Variants in ZNF804B observed in about 807,000 individuals in gnomAD.
ZNF804B encodes the protein zinc finger 804B.
A neutral mutation model predicts 101.4 loss-of-function variants in ZNF804B; 80 were observed. The ratio of observed to expected loss-of-function variants is 0.79; its 90% CI spans 0.66 to 0.95. The LOEUF (loss-of-function observed/expected upper bound fraction) is 0.95. ZNF804B is among the 40% of genes least tolerant of loss of function. The pLI, the probability that ZNF804B is intolerant of heterozygous loss-of-function variation, is 0.00. For missense variants in ZNF804B, 1,673 were observed against 1,561.9 expected (o/e 1.07, Z -1.20); for synonymous variants, 622 against 558.8 (o/e 1.11, Z -1.59).
intron 1 of ZNF804B, among the ~76,000 whole-genome samples, chr7:88,821,611 A>G (rs1310225592): frequency 6.6e-6 from 1 of 152,178 alleles, no homozygotes; most frequent in Non-Finnish European, 1.5e-5. Context: ...CCTTATAACC[A>G]TCTCTCACAG....
At position 89,335,994 on chromosome 7, in the gene ZNF804B, C is replaced by T. The variant is rs778352372; in HGVS notation, c.3012C>T (p.Asp1004=). The T allele has an allele frequency of 2.8e-5, 45 of 1,613,814 alleles. No individual in the cohort carries two copies. Among genetic ancestry groups the T allele is most frequent in the Non-Finnish European group, 3.7e-5 (44 of 1,179,974 alleles). Residue 1004 remains aspartate (D), a synonymous_variant, in exon 4 of 4, where the codon GAC becomes GAT. Transcript: ENST00000333190. ...DSAIPRTTEK[D]KSKSSHTNNF... Reference sequence around the variant, plus strand: ...CAATTCCAAGGACTACGGAGAAAGACAAAAGCAAAAGTTCACACACAAATA... The same window carrying T: ...CAATTCCAAGGACTACGGAGAAAGATAAAAGCAAAAGTTCACACACAAATA...
intron 1 of ZNF804B, among the ~76,000 whole-genome samples, chr7:88,952,913 C>A (rs1005756379): frequency 6.6e-6 from 1 of 151,780 alleles, no homozygotes; most frequent in Non-Finnish European, 1.5e-5. Context: ...ATACTGATCA[C>A]ATGGTACCTG....
chr7:89,126,052 C>T (rs1790470817), intron 1 of ZNF804B, among the ~76,000 whole-genome samples: 1 of 151,722 alleles, frequency 6.6e-6, no homozygotes, highest in Non-Finnish European at 1.5e-5. Flanking sequence ...TTGTCCATGG[C>T]AATTCAACTG....
intron 1 of ZNF804B, among the ~76,000 whole-genome samples, chr7:88,835,840 A>G (rs1319204317): frequency 6.6e-6 from 1 of 151,970 alleles, no homozygotes; most frequent in Non-Finnish European, 1.5e-5. Context: ...AGAAAAAGAA[A>G]ATATAAATAT....
rs766687699 is a variant in ZNF804B, at chr7:89,334,623, A to T, written c.1641A>T (p.Lys547Asn). ...TGATAGCTAATCCGGATTGGGAAAAATTCCAGAGGAAATATAATTTGGACT... is the reference window on the plus strand; with the variant it reads ...TGATAGCTAATCCGGATTGGGAAAATTTCCAGAGGAAATATAATTTGGACT... ...KTMIANPDWEKFQRKYNLDYS... is the reference protein window; with the variant it reads ...KTMIANPDWENFQRKYNLDYS... Residue 547 changes from lysine to asparagine, a missense_variant, in exon 4 of 4, where the codon AAA becomes AAT. Physicochemically the swap from Lys to Asn is moderately conservative, Grantham distance 94. Coordinates refer to ENST00000333190, the MANE Select transcript of ZNF804B (RefSeq NM_181646.5). 2 of 1,613,802 alleles carry T rather than the reference A, an allele frequency of 1.2e-6. No homozygotes were observed. Among genetic ancestry groups the T allele is most frequent in the Admixed American group, 3.3e-5 (2 of 59,908 alleles).
At chr7:89,156,088 CCTTT>C (rs3059356) in intron 1 of ZNF804B, among the ~76,000 whole-genome samples, 1 of 83,250 alleles carries the variant, frequency 1.2e-5, no homozygotes, top group African/African-American at 4.6e-5. Context: ...TTCTCTCTTT[CCTTT>C]CTTTCTTTCT....
intron 2 of ZNF804B, among the ~76,000 whole-genome samples, chr7:89,220,001 A>ATATG (rs1312165188): frequency 4.4e-5 from 6 of 135,416 alleles, no homozygotes; most frequent in African/African-American, 1.7e-4. Context: ...ATATATGTAT[A>ATATG]TGCACATATA....
At chr7:88,786,286 C>T (rs746280453) in intron 1 of ZNF804B, among the ~76,000 whole-genome samples, 10 of 152,038 alleles carry the variant, frequency 6.6e-5, no homozygotes, top group Non-Finnish European at 1.3e-4. Flanking sequence ...TTGGGGAGAG[C>T]TATAGAGAGC....
intron 1 of ZNF804B, among the ~76,000 whole-genome samples, chr7:89,020,309 A>G (rs1788645766): frequency 6.6e-6 from 1 of 151,970 alleles, no homozygotes; most frequent in South Asian, 2.1e-4. Flanking sequence ...ATTCATTTCT[A>G]AAGTGTAGCT....
intron 1 of ZNF804B, among the ~76,000 whole-genome samples, chr7:88,936,407 G>C (rs1335606699): frequency 1.3e-5 from 2 of 152,050 alleles, no homozygotes; most frequent in African/African-American, 4.8e-5. Context: ...AATTTATTAA[G>C]ATGCATATAA....
chr7:89,049,589 A>G (rs969823236), intron 1 of ZNF804B, among the ~76,000 whole-genome samples: 2 of 152,076 alleles, frequency 1.3e-5, no homozygotes, highest in Admixed American at 6.6e-5. Flanking sequence ...GTACTCAGCT[A>G]TTACCGGAAA....
chr7:89,330,270 G>C (rs919099287), intron 3 of ZNF804B, among the ~76,000 whole-genome samples: 1 of 151,548 alleles, frequency 6.6e-6, no homozygotes, highest in Non-Finnish European at 1.5e-5. Context: ...TAAACTTTCC[G>C]ATGTAAGATG....
chr7:88,845,690 C>T (rs1265400701), intron 1 of ZNF804B, among the ~76,000 whole-genome samples: 1 of 151,722 alleles, frequency 6.6e-6, no homozygotes, highest in Non-Finnish European at 1.5e-5. Context: ...CTTAATTATC[C>T]TTCAAAAGCA....
chr7:89,174,762 T>G (rs117473131), intron 1 of ZNF804B, among the ~76,000 whole-genome samples: 4,415 of 152,110 alleles, frequency 0.029, 81 homozygotes, highest in Non-Finnish European at 0.042. Context: ...CATTTGTTAT[T>G]GCCTGTCTTT....
intron 2 of ZNF804B, among the ~76,000 whole-genome samples, chr7:89,276,571 T>A (rs1424456454): frequency 6.6e-6 from 1 of 151,926 alleles, no homozygotes; most frequent in East Asian, 1.9e-4. Context: ...AAATATATTT[T>A]AAAATGCTAT....
At chr7:88,829,398 C>G (rs923890777) in intron 1 of ZNF804B, among the ~76,000 whole-genome samples, 1 of 152,048 alleles carries the variant, frequency 6.6e-6, no homozygotes, top group African/African-American at 2.4e-5. Flanking sequence ...AGGAAATCTT[C>G]TTGGTGGGAT....
chr7:89,132,160 ACG>A (rs536695298), intron 1 of ZNF804B, among the ~76,000 whole-genome samples: 1,248 of 78,718 alleles, frequency 0.016, 22 homozygotes, highest in African/African-American at 0.087. Flanking sequence ...ATGAGAACAC[ACG>A]CACACATACA....
chr7:88,866,131 T>A (rs2115867661), intron 1 of ZNF804B, among the ~76,000 whole-genome samples: 1 of 152,332 alleles, frequency 6.6e-6, no homozygotes, highest in East Asian at 1.9e-4. Flanking sequence ...TCTTATTTAA[T>A]TTTAACCTGG....
At chr7:88,771,710 G>C (rs1392153870) in intron 1 of ZNF804B, among the ~76,000 whole-genome samples, 3 of 152,098 alleles carry the variant, frequency 2.0e-5, no homozygotes, top group African/African-American at 7.2e-5. Context: ...TATATTATAT[G>C]AAGAGTGACA....
Sources: gnomAD v4.1 joint callset for allele counts (sites outside exome capture counted in the v4.1 genomes callset) on GRCh38, gnomAD v4.1.1 for gene constraint, MANE v1.5 for transcripts, NCBI Gene and HGNC (gene_info 2026-07-23, HGNC 2026-07-21) for gene names.